Variants in STON2 observed in about 807,000 individuals in gnomAD.
STON2 encodes the protein stonin 2.
STON2 carries 29 observed loss-of-function variants against 65.7 expected under a neutral mutation model. The observed-to-expected ratio is 0.44, with a 90% CI of 0.33 to 0.60. STON2 has a LOEUF of 0.60. Ranked by LOEUF, STON2 falls within the 20% of genes least tolerant of loss-of-function variation. The probability of loss-of-function intolerance (pLI) is 0.03; values close to 1 mark genes in which losing one functional copy is unlikely to be tolerated. For synonymous variants in STON2, 404 were observed against 414.2 expected, an observed-to-expected ratio of 0.98 and a Z score of 0.30; for missense variants, 1,054 against 1,118.1, an observed-to-expected ratio of 0.94 and a Z score of 0.82.
At chr14:81,302,963 A>C (rs1000110090) in intron 5 of STON2, among the ~76,000 whole-genome samples, 1 of 152,214 alleles carries the variant, frequency 6.6e-6, no homozygotes, top group Non-Finnish European at 1.5e-5. Context: ...GGGCAGGAAC[A>C]AGTAGAAAAA....
At chr14:81,406,842 T>G (rs1052679745) in intron 2 of STON2, among the ~76,000 whole-genome samples, 2 of 152,242 alleles carry the variant, frequency 1.3e-5, no homozygotes, top group African/African-American at 4.8e-5. Context: ...AACGGTTCTC[T>G]GGGTACACCC....
intron 1 of STON2, among the ~76,000 whole-genome samples, chr14:81,434,602 G>T (rs1213739472): frequency 6.6e-6 from 1 of 152,124 alleles, no homozygotes; most frequent in African/African-American, 2.4e-5. Flanking sequence ...TAGCCTATGG[G>T]TTGGGGGATA....
chr14:81,261,979 G>A lies in STON2; in HGVS notation c.*6435C>T. ...AAAAAAAAAGAGAGAGATGTGAAAAGGAAAAAGATGGACCAGGTGATTTTT... is the reference window on the plus strand; with the variant it reads ...AAAAAAAAAGAGAGAGATGTGAAAAAGAAAAAGATGGACCAGGTGATTTTT... On this transcript the variant is annotated 3_prime_UTR_variant, in exon 8 of 8. Transcript: ENST00000614646. 7.1e-7 allele frequency: 1 copy of A among 1,401,748 alleles called. No homozygotes were observed. Among genetic ancestry groups the A allele is most frequent in the Non-Finnish European group, 9.2e-7 (1 of 1,083,104 alleles). 86.8% of individuals were successfully genotyped at this position (1,401,748 alleles called of 1,614,324 possible).
At chr14:81,418,881 A>C (rs2139888148) in intron 2 of STON2, among the ~76,000 whole-genome samples, 1 of 152,344 alleles carries the variant, frequency 6.6e-6, no homozygotes, top group African/African-American at 2.4e-5. Flanking sequence ...CCAATAAAAC[A>C]AAATACCTGG....
chr14:81,306,167 C>CTCTA lies in STON2; in HGVS notation c.742+17849_742+17850insTAGA, dbSNP rs760274489. Among the ~76,000 whole-genome samples, 849 of 132,314 alleles carry CTCTA rather than the reference C, an allele frequency of 6.4e-3. 2 individuals carry two copies. The highest frequency in any genetic ancestry group is 0.013 in the South Asian group (56 of 4,240). The allele number at this position is 132,314 out of a possible 152,430, so 86.8% of individuals were successfully genotyped here. A position where few individuals can be genotyped will look rare whatever the true frequency, so the allele number is the denominator to read the frequency against. ...GATTCTTTTAAATCTCTCTCTCTCT[C>CTCTA]TATATATATATATATATACACTCTA... is the stretch of plus-strand genomic sequence containing the variant. On this transcript the variant is annotated intron_variant, in intron 5 of 7. Transcript: ENST00000614646.
At chr14:81,348,069 A>G (rs1897887085) in intron 4 of STON2, among the ~76,000 whole-genome samples, 1 of 152,172 alleles carries the variant, frequency 6.6e-6, no homozygotes, top group Non-Finnish European at 1.5e-5. Context: ...GTAAAATTCA[A>G]CATTCCTTTA....
Position 81,268,303 on chromosome 14 carries a change from C to T in STON2, c.*111G>A. The stretch of plus-strand genomic sequence containing the variant: ...GTATACTGTTCCCAACATGCAGTGG[C>T]CACAGCAGGTATTGACTGCAACTTC... On this transcript the variant is annotated 3_prime_UTR_variant, in exon 8 of 8. Coordinates refer to ENST00000614646, the MANE Select transcript of STON2 (RefSeq NM_001394390.1). 8.1e-7 allele frequency: 1 copy of T among 1,240,880 alleles called. No individual in the cohort carries two copies. 76.9% of individuals were successfully genotyped at this position (1,240,880 alleles called of 1,614,324 possible).
intron 5 of STON2, among the ~76,000 whole-genome samples, chr14:81,310,562 G>C (rs185701768): frequency 6.6e-6 from 1 of 152,204 alleles, no homozygotes; most frequent in Non-Finnish European, 1.5e-5. Context: ...AAATAGCTGA[G>C]TATCCAGATG....
Position 81,393,238 on chromosome 14 carries a change from G to A in STON2, c.373+2656C>T, listed in dbSNP as rs150148419. 5.3e-4 allele frequency among the ~76,000 whole-genome samples: 80 copies of A among 152,270 alleles called. 2 individuals carry two copies. The South Asian group carries it at 0.012, about 22-fold the overall frequency. On this transcript the variant is annotated intron_variant, in intron 3 of 7. Transcript: ENST00000614646. The stretch of plus-strand genomic sequence containing the variant: ...TTTTGAGCAATCAGGAAATCTTTGA[G>A]GCTAAAGATAAAATGTGAAAGAATC...
chr14:81,306,169 A>C (rs11846609), intron 5 of STON2, among the ~76,000 whole-genome samples: 100,628 of 126,834 alleles, frequency 0.79, 38,175 homozygotes, highest in East Asian at 0.85. Context: ...CTCTCTCTCT[A>C]TATATATATA....
chr14:81,412,935 T>C, intron 2 of STON2: 1 of 754,402 alleles, frequency 1.3e-6, no homozygotes, highest in Non-Finnish European at 2.2e-6. Flanking sequence ...CAGGAGACCG[T>C]TGCAGTCAGC....
At chr14:81,279,347 A>G (rs1427831040) in intron 5 of STON2, among the ~76,000 whole-genome samples, 1 of 152,224 alleles carries the variant, frequency 6.6e-6, no homozygotes, top group Non-Finnish European at 1.5e-5. Context: ...CATGAAAGAG[A>G]AACTAAAAAA....
intron 5 of STON2, among the ~76,000 whole-genome samples, chr14:81,313,837 ACACT>A (rs1255583934): frequency 6.7e-6 from 1 of 148,532 alleles, no homozygotes; most frequent in East Asian, 2.0e-4. Context: ...ACACACACAC[ACACT>A]AATGAAACAG....
At chr14:81,348,442 T>C (rs1051017779) in intron 4 of STON2, among the ~76,000 whole-genome samples, 2 of 151,972 alleles carry the variant, frequency 1.3e-5, no homozygotes, top group African/African-American at 2.4e-5. Context: ...CAAAAATCAG[T>C]AGCAGTTCTA....
In STON2 at chr14:81,277,768, TGG is replaced by T; in HGVS notation, c.1712_1713del (p.Pro571GlnfsTer15). 6.2e-7 allele frequency: 1 copy of T among 1,614,188 alleles called. No homozygotes were observed. Among genetic ancestry groups the T allele is most frequent in the South Asian group, 1.1e-5 (1 of 91,084 alleles). ...TCTGCTGTGTGGGCCACAGCAGGTT[TGG>T]GCTGGTATTTCTTCTTCTCTTTATA... ...VTYKEKKKYQ[P>X]KPAVAHTAER... is the part of the protein sequence containing the mutation. On this transcript the variant is annotated frameshift_variant, in exon 6 of 8. Transcript: ENST00000614646. LOFTEE classifies it high-confidence loss of function.
chr14:81,371,550 C>T (rs1898994905), intron 3 of STON2, among the ~76,000 whole-genome samples: 1 of 151,796 alleles, frequency 6.6e-6, no homozygotes, highest in African/African-American at 2.4e-5. Context: ...AAAAATTTAG[C>T]CAAGCATGGT....
chr14:81,317,085 T>G (rs1403424892), intron 5 of STON2, among the ~76,000 whole-genome samples: 1 of 152,140 alleles, frequency 6.6e-6, no homozygotes. Flanking sequence ...ACAAGAAGCA[T>G]GGCAGCAGCA....
chr14:81,374,856 A>G (rs1023729684), intron 3 of STON2, among the ~76,000 whole-genome samples: 1 of 152,174 alleles, frequency 6.6e-6, no homozygotes, highest in Non-Finnish European at 1.5e-5. Context: ...AATTTATGAA[A>G]GATTTTACTT....
At chr14:81,404,524 G>A (rs1323175032), upstream of STON2, among the ~76,000 whole-genome samples, 1 of 151,962 alleles carries the variant, frequency 6.6e-6, no homozygotes, top group African/African-American at 2.4e-5. Context: ...TTTTTTAACT[G>A]AGACAGGATC....
Sources: gnomAD v4.1 joint callset for allele counts (sites outside exome capture counted in the v4.1 genomes callset) on GRCh38, gnomAD v4.1.1 for gene constraint, MANE v1.5 for transcripts, NCBI Gene and HGNC (gene_info 2026-07-23, HGNC 2026-07-21) for gene names.